The following ZBTB8OS variants were observed in gnomAD, a reference collection of about 807,000 sequenced individuals.
ZBTB8OS encodes tRNA-splicing ligase-activating factor archease.
ZBTB8OS carries 16 observed loss-of-function variants against 29.3 expected under a neutral mutation model. The observed-to-expected ratio is 0.55, with a 90% CI of 0.37 to 0.83. The LOEUF (loss-of-function observed/expected upper bound fraction) is 0.83, where lower values mean the gene tolerates loss of function less well. Ranked by LOEUF, ZBTB8OS falls within the 40% of genes least tolerant of loss-of-function variation. The probability of loss-of-function intolerance (pLI) is 0.00; values close to 1 mark genes in which losing one functional copy is unlikely to be tolerated. For synonymous variants in ZBTB8OS, 70 were observed against 64.6 expected (o/e 1.08, Z -0.40); for missense variants, 160 against 196.9 (o/e 0.81, Z 1.12).
chr1:32,623,991 CAGG>C (rs1253545615), intron 6 of ZBTB8OS, among the ~76,000 whole-genome samples: 1 of 152,068 alleles, frequency 6.6e-6, no homozygotes, highest in African/African-American at 2.4e-5. Context: ...CGTGAGTTTT[CAGG>C]AGATCTGATG....
chr1:32,642,005 A>AT lies in ZBTB8OS; in HGVS notation c.98-7214dup, dbSNP rs560844409. 5.9e-3 allele frequency among the ~76,000 whole-genome samples: 891 copies of AT among 151,748 alleles called. 10 individuals carry two copies. Among genetic ancestry groups the AT allele is most frequent in the South Asian group, 0.019 (91 of 4,804 alleles). ...AGAATATTATGACAACTAAACTCTG[A>AT]TTTTTTTTTATCTTGCCCAAATTCC... On this transcript the variant is annotated intron_variant, in intron 1 of 6. Coordinates refer to ENST00000468695, the MANE Select transcript of ZBTB8OS (RefSeq NM_178547.5).
At position 32,629,739 on chromosome 1, in the gene ZBTB8OS, A is replaced by ATGCTTGT. The variant is rs1174767857; in HGVS notation, c.380+2081_380+2087dup. On this transcript the variant is annotated intron_variant, in intron 5 of 6. Coordinates refer to ENST00000468695, the MANE Select transcript of ZBTB8OS (RefSeq NM_178547.5). ...CACTTATTAGCTAGTACTTTTGGAC[A>ATGCTTGT]TGCTTGTTTCTTTTTTTTTTTTTTT... Among the ~76,000 whole-genome samples the ATGCTTGT allele has an allele frequency of 5.4e-5, 8 of 147,432 alleles. No individual in the cohort carries two copies. In the South Asian group the frequency reaches 1.5e-3, roughly 27 times the overall value.
intron 6 of ZBTB8OS, among the ~76,000 whole-genome samples, chr1:32,622,290 C>T (rs1644810349): frequency 6.6e-6 from 1 of 152,154 alleles, no homozygotes. Context: ...CACTGCAGCA[C>T]TATTCACAAT....
At chr1:32,641,709 C>T (rs565627124) in intron 1 of ZBTB8OS, among the ~76,000 whole-genome samples, 1 of 149,396 alleles carries the variant, frequency 6.7e-6, no homozygotes, top group Non-Finnish European at 1.5e-5. Context: ...ATCAGCAGAT[C>T]GAGACCATTC....
intron 1 of ZBTB8OS, among the ~76,000 whole-genome samples, chr1:32,637,081 CT>C (rs1284939771): frequency 3.3e-5 from 5 of 151,984 alleles, no homozygotes; most frequent in Middle Eastern, 3.2e-3. Context: ...ACTCTTTGTA[CT>C]TTTTCACTTC....
In ZBTB8OS at chr1:32,650,546, A is replaced by C. The variant is rs757298991; in HGVS notation, c.-17T>G. 1 of 1,613,622 alleles carries C rather than the reference A, an allele frequency of 6.2e-7. No homozygotes were observed. Among genetic ancestry groups the C allele is most frequent in the South Asian group, 1.1e-5 (1 of 91,048 alleles). Reference sequence around the variant, plus strand: ...CTGCGCCATGACTGCAGGATTAGACACTCTACTTCCGCCCTTCATCCACCG... The same window carrying C: ...CTGCGCCATGACTGCAGGATTAGACCCTCTACTTCCGCCCTTCATCCACCG... On this transcript the variant is annotated 5_prime_UTR_variant, in exon 1 of 7. Transcript: ENST00000468695.
intron 1 of ZBTB8OS, among the ~76,000 whole-genome samples, chr1:32,650,011 T>A (rs920675018): frequency 6.6e-6 from 1 of 151,890 alleles, no homozygotes; most frequent in Non-Finnish European, 1.5e-5. Context: ...CAAAACCAGG[T>A]TTTTTGCTAA....
chr1:32,625,680 T>G (rs767079716), intron 6 of ZBTB8OS, among the ~76,000 whole-genome samples: 1 of 152,202 alleles, frequency 6.6e-6, no homozygotes, highest in Non-Finnish European at 1.5e-5. Flanking sequence ...CGGATCAGCC[T>G]GGGCAACACA....
intron 1 of ZBTB8OS, among the ~76,000 whole-genome samples, chr1:32,646,479 C>T (rs1646840066): frequency 1.3e-5 from 2 of 151,408 alleles, no homozygotes; most frequent in Admixed American, 1.3e-4. Context: ...GCTCCGCCTC[C>T]CGGGTTCACG....
intron 4 of ZBTB8OS, among the ~76,000 whole-genome samples, chr1:32,633,009 G>A (rs1172608659): frequency 1.3e-5 from 2 of 152,188 alleles, no homozygotes; most frequent in Non-Finnish European, 2.9e-5. Context: ...AAAGCAGAGA[G>A]TGCCATCTCT....
intron 1 of ZBTB8OS, among the ~76,000 whole-genome samples, chr1:32,641,279 T>G (rs1646382784): frequency 6.8e-6 from 1 of 146,408 alleles, no homozygotes; most frequent in Non-Finnish European, 1.5e-5. Context: ...TTTTTTTTTT[T>G]TTTTTTTTTT....
chr1:32,629,862 C>A (rs1023638903), intron 5 of ZBTB8OS, among the ~76,000 whole-genome samples: 3 of 150,576 alleles, frequency 2.0e-5, no homozygotes, highest in Admixed American at 6.7e-5. Context: ...AAGCGATTCT[C>A]CTGCCTCAGC....
At chr1:32,642,102 T>C (rs1646456878) in intron 1 of ZBTB8OS, among the ~76,000 whole-genome samples, 1 of 152,152 alleles carries the variant, frequency 6.6e-6, no homozygotes, top group African/African-American at 2.4e-5. Context: ...TTTAACCCTA[T>C]ACATCGTGAC....
At chr1:32,643,910 G>C (rs1646631618) in intron 1 of ZBTB8OS, among the ~76,000 whole-genome samples, 1 of 151,578 alleles carries the variant, frequency 6.6e-6, no homozygotes, top group African/African-American at 2.4e-5. Flanking sequence ...CCTTGGCCTT[G>C]TTGTACCCAA....
Position 32,627,547 on chromosome 1 carries a change from T to G in ZBTB8OS, c.381-3A>C. 1 of 1,612,910 alleles carries G rather than the reference T, an allele frequency of 6.2e-7. No individual in the cohort carries two copies. Among genetic ancestry groups the G allele is most frequent in the Non-Finnish European group, 8.5e-7 (1 of 1,179,028 alleles). On this transcript the variant is annotated splice_polypyrimidine_tract_variant and splice_region_variant and intron_variant, in intron 5 of 6. Transcript: ENST00000468695. ...ACAATGAAAATTCTTCTCCCCACCT[T>G]GAGAATACAAATTAAAACATGATTA...
chr1:32,649,526 AAGTC>A (rs1165565223), intron 1 of ZBTB8OS, among the ~76,000 whole-genome samples: 3 of 152,082 alleles, frequency 2.0e-5, no homozygotes, highest in Non-Finnish European at 4.4e-5. Flanking sequence ...GATTTGCCTA[AAGTC>A]ACTAAGCGAA....
rs560659696 is a variant in ZBTB8OS, at chr1:32,626,707, C to A, written c.417+801G>T. On this transcript the variant is annotated intron_variant, in intron 6 of 6. Coordinates refer to ENST00000468695, the MANE Select transcript of ZBTB8OS (RefSeq NM_178547.5). ...AGGATTACAGGCGCGTGCCACCACGCCCAGCTAATTTTTGTATTTTTAGTA... is the reference window on the plus strand; with the variant it reads ...AGGATTACAGGCGCGTGCCACCACGACCAGCTAATTTTTGTATTTTTAGTA... 5.3e-5 allele frequency among the ~76,000 whole-genome samples: 8 copies of A among 152,220 alleles called. No homozygotes were observed. The East Asian group carries it at 1.4e-3, about 26-fold the overall frequency.
chr1:32,620,861 T>C lies in ZBTB8OS; in HGVS notation c.*1001A>G, dbSNP rs1644714960. The C allele has an allele frequency of 1.3e-5, 2 of 152,200 alleles. No individual in the cohort carries two copies. Among genetic ancestry groups the C allele is most frequent in the African/African-American group, 2.4e-5 (1 of 41,436 alleles). 9.4% of individuals were successfully genotyped at this position (152,200 alleles called of 1,614,324 possible). On this transcript the variant is annotated 3_prime_UTR_variant, in exon 7 of 7. Coordinates refer to ENST00000468695, the MANE Select transcript of ZBTB8OS (RefSeq NM_178547.5). ...CTTTTATTCTCTAGTTATAAACATGTACTCACTTTCAAATAAAATTCTATA... is the reference window on the plus strand; with the variant it reads ...CTTTTATTCTCTAGTTATAAACATGCACTCACTTTCAAATAAAATTCTATA...
intron 1 of ZBTB8OS, among the ~76,000 whole-genome samples, chr1:32,647,041 C>CAAAAAAAAAAAAA (rs71006347): frequency 1.8e-4 from 7 of 39,394 alleles, no homozygotes; most frequent in African/African-American, 6.9e-4. Flanking sequence ...GATACTGTCT[C>CAAAAAAAAAAAAA]AAAAAAAAAA....
Sources: allele counts gnomAD v4.1 joint callset (sites outside exome capture counted in the v4.1 genomes callset), GRCh38; gene constraint gnomAD v4.1.1; transcripts MANE v1.5; gene names NCBI Gene and HGNC (gene_info 2026-07-23, HGNC 2026-07-21).